Variants in KIAA1549L observed in about 807,000 individuals in gnomAD.
KIAA1549L encodes KIAA1549 like.
A neutral mutation model predicts 160.7 loss-of-function variants in KIAA1549L; 88 were observed. That is an observed-to-expected ratio of 0.55 (90% CI 0.46 to 0.65). KIAA1549L has a LOEUF of 0.65. Ranked by LOEUF, KIAA1549L falls within the 30% of genes least tolerant of loss-of-function variation. The pLI, the probability that KIAA1549L is intolerant of heterozygous loss-of-function variation, is 0.00. For synonymous variants in KIAA1549L, 950 were observed against 976.7 expected, an observed-to-expected ratio of 0.97 and a Z score of 0.51; for missense variants, 2,258 against 2,437.5, an observed-to-expected ratio of 0.93 and a Z score of 1.55.
At chr11:33,510,574 G>C (rs548163112) in intron 1 of KIAA1549L, among the ~76,000 whole-genome samples, 14 of 152,354 alleles carry the variant, frequency 9.2e-5, no homozygotes, top group Admixed American at 9.1e-4. Context: ...TCAGGCATCT[G>C]AGATGCTCTC....
chr11:33,548,314 G>A (rs1348090460), intron 4 of KIAA1549L, among the ~76,000 whole-genome samples: 2 of 152,120 alleles, frequency 1.3e-5, no homozygotes, highest in African/African-American at 2.4e-5. Flanking sequence ...CAGGAGAATC[G>A]CTTGAATCCA....
chr11:33,454,746 A>C (rs1027524176), intron 1 of KIAA1549L, among the ~76,000 whole-genome samples: 3 of 152,174 alleles, frequency 2.0e-5, no homozygotes, highest in African/African-American at 7.2e-5. Flanking sequence ...TTTTGAAAAC[A>C]AAGGAGAAAT....
In KIAA1549L at chr11:33,645,682, A is replaced by G; in HGVS notation, c.5410-4A>G. ...ACATCAATGGGCTTTGTTTCCTCCC[A>G]CAGACTGAGCCTGAAATCATAGAGG... On this transcript the variant is annotated splice_polypyrimidine_tract_variant and splice_region_variant and intron_variant, in intron 16 of 20. Transcript: ENST00000658780. 1 of 1,608,676 alleles carries G rather than the reference A, an allele frequency of 6.2e-7. No homozygotes were observed. Among genetic ancestry groups the G allele is most frequent in the East Asian group, 2.2e-5 (1 of 44,822 alleles).
chr11:33,465,755 A>G (rs999901795), intron 1 of KIAA1549L, among the ~76,000 whole-genome samples: 2 of 152,214 alleles, frequency 1.3e-5, no homozygotes, highest in African/African-American at 2.4e-5. Flanking sequence ...AGGATTCCCT[A>G]TTTAATAGAT....
intron 1 of KIAA1549L, among the ~76,000 whole-genome samples, chr11:33,457,532 G>A (rs1376011518): frequency 6.6e-6 from 1 of 152,206 alleles, no homozygotes; most frequent in Non-Finnish European, 1.5e-5. Flanking sequence ...GGAACCCAGG[G>A]GTTCGTGGTA....
intron 12 of KIAA1549L, 114 bp from the exon 13 acceptor site, chr11:33,598,706 C>A: frequency 8.0e-7 from 1 of 1,249,168 alleles, no homozygotes; most frequent in Non-Finnish European, 1.1e-6. Context: ...CCTCTTTGTC[C>A]ATTAAACTGG....
chr11:33,624,268 C>A, intron 16 of KIAA1549L, among the ~76,000 whole-genome samples: 1 of 152,208 alleles, frequency 6.6e-6, no homozygotes, highest in Non-Finnish European at 1.5e-5. Flanking sequence ...GGGCAGTTCC[C>A]TGCAAGAGCT....
At chr11:33,491,725 T>A (rs756998777) in intron 1 of KIAA1549L, among the ~76,000 whole-genome samples, 1 of 152,244 alleles carries the variant, frequency 6.6e-6, no homozygotes, top group South Asian at 2.1e-4. Context: ...GAAAACAGAA[T>A]GGTGTCAGTC....
At chr11:33,548,729 C>T (rs952312903) in intron 4 of KIAA1549L, among the ~76,000 whole-genome samples, 4 of 152,196 alleles carry the variant, frequency 2.6e-5, no homozygotes, top group African/African-American at 9.7e-5. Context: ...CACTTTACAT[C>T]TTTGGGTTTG....
chr11:33,510,400 T>C (rs1191349035), intron 1 of KIAA1549L, among the ~76,000 whole-genome samples: 2 of 152,192 alleles, frequency 1.3e-5, no homozygotes, highest in Non-Finnish European at 2.9e-5. Context: ...TTGGCCAGGC[T>C]GGTCTTGAAC....
chr11:33,407,454 GCC>G (rs200798022), intron 1 of KIAA1549L, among the ~76,000 whole-genome samples: 1,619 of 152,204 alleles, frequency 0.011, 40 homozygotes, highest in African/African-American at 0.037. Flanking sequence ...TGATTCTCCT[GCC>G]TCAGTCTGCA....
intron 16 of KIAA1549L, among the ~76,000 whole-genome samples, chr11:33,641,785 A>T (rs1174035642): frequency 2.6e-5 from 4 of 151,722 alleles, no homozygotes; most frequent in African/African-American, 7.2e-5. Context: ...ATAAGTTCTT[A>T]TAAGGACAAA....
In KIAA1549L at chr11:33,542,554, A is replaced by AC; in HGVS notation, c.992dup (p.Glu332ArgfsTer76). ...AAAATGGCATTCCGAGCTGTCCCCA[A>AC]CAGAGGGTCCCCATTCAGCAGGTTC... On this transcript the variant is annotated frameshift_variant, in exon 2 of 21. Coordinates refer to ENST00000658780, the MANE Select transcript of KIAA1549L (RefSeq NM_012194.3). LOFTEE classifies it high-confidence loss of function. 6.2e-7 allele frequency: 1 copy of AC among 1,613,870 alleles called. No individual in the cohort carries two copies. The highest frequency in any genetic ancestry group is 8.5e-7 in the Non-Finnish European group (1 of 1,179,830).
At chr11:33,380,499 G>T (rs1400583677) in intron 1 of KIAA1549L, among the ~76,000 whole-genome samples, 1 of 152,184 alleles carries the variant, frequency 6.6e-6, no homozygotes, top group African/African-American at 2.4e-5. Context: ...TAAGAAGAAT[G>T]TATATTCTGT....
At chr11:33,627,718 G>A (rs1443729173) in intron 16 of KIAA1549L, among the ~76,000 whole-genome samples, 1 of 151,938 alleles carries the variant, frequency 6.6e-6, no homozygotes, top group Non-Finnish European at 1.5e-5. Flanking sequence ...CAATTTTGTT[G>A]ATCCTTTCAA....
chr11:33,437,154 AT>A (rs1171509608), intron 1 of KIAA1549L, among the ~76,000 whole-genome samples: 2 of 152,198 alleles, frequency 1.3e-5, no homozygotes, highest in Non-Finnish European at 2.9e-5. Context: ...TATGTTAATT[AT>A]TTTAATAATG....
Position 33,543,645 on chromosome 11 carries a change from T to C in KIAA1549L, c.2082T>C (p.Asp694=), listed in dbSNP as rs1334818144. 27 of 1,613,864 alleles carry C rather than the reference T, an allele frequency of 1.7e-5. No homozygotes were observed. Among genetic ancestry groups the C allele is most frequent in the East Asian group, 4.5e-5 (2 of 44,894 alleles). Residue 694 remains aspartate, a synonymous_variant, in exon 2 of 21, where the codon GAT becomes GAC. Transcript: ENST00000658780. The part of the protein sequence containing the change: ...IGDMKKPATT[D]VFWSSLSAET... ...ACATGAAAAAGCCAGCAACCACAGA[T>C]GTTTTCTGGAGTTCTCTTTCAGCAG... is the stretch of plus-strand genomic sequence containing the variant.
chr11:33,548,187 T>C (rs761999014), intron 4 of KIAA1549L, among the ~76,000 whole-genome samples: 3 of 152,018 alleles, frequency 2.0e-5, no homozygotes, highest in African/African-American at 4.8e-5. Flanking sequence ...TCACTTGGGG[T>C]CAGGAGTTTG....
chr11:33,481,180 G>T (rs756304495), intron 1 of KIAA1549L, among the ~76,000 whole-genome samples: 9 of 152,060 alleles, frequency 5.9e-5, no homozygotes, highest in Non-Finnish European at 1.0e-4. Context: ...TGGGCTTTTT[G>T]TATATATTTA....
Sources: gnomAD v4.1 joint callset for allele counts (sites outside exome capture counted in the v4.1 genomes callset) on GRCh38, gnomAD v4.1.1 for gene constraint, MANE v1.5 for transcripts, NCBI Gene and HGNC (gene_info 2026-07-23, HGNC 2026-07-21) for gene names.